KLHL12: variants seen among roughly 807,000 people sequenced by gnomAD.
The protein encoded by KLHL12 is kelch like family member 12, also known as kelch-like protein 12.
KLHL12 carries 17 observed loss-of-function variants against 60.8 expected under a neutral mutation model. The observed-to-expected ratio is 0.28, with a 90% confidence interval of 0.19 to 0.42. The LOEUF (loss-of-function observed/expected upper bound fraction) is 0.42. Ranked by LOEUF, KLHL12 falls within the 10% of genes least tolerant of loss-of-function variation. The pLI, the probability that KLHL12 is intolerant of heterozygous loss-of-function variation, is 1.00. For missense variants in KLHL12, 468 were observed against 722.3 expected (o/e 0.65, Z 4.04); for synonymous variants, 220 against 250.9 (o/e 0.88, Z 1.16).
chr1:202,905,866 G>A (rs751151515), intron 6 of KLHL12, among the ~76,000 whole-genome samples: 4 of 150,332 alleles, frequency 2.7e-5, no homozygotes, highest in Admixed American at 1.3e-4. Context: ...GTGCAGTGGC[G>A]TGATCTCAGC....
intron 2 of KLHL12, among the ~76,000 whole-genome samples, chr1:202,924,679 A>G (rs1260355078): frequency 6.6e-6 from 1 of 152,224 alleles, no homozygotes. Context: ...AATAGCTGAC[A>G]TGTGTGTTTT....
rs919668692 is a variant in KLHL12 at position 202,893,096 on chromosome 1, A to C, written c.1580+143T>G. 7.9e-6 allele frequency: 5 copies of C among 631,058 alleles called. No individual in the cohort carries two copies. Among genetic ancestry groups the C allele is most frequent in the Non-Finnish European group, 1.1e-5 (4 of 376,124 alleles). 39.1% of individuals were successfully genotyped at this position (631,058 alleles called of 1,614,324 possible). A position where few individuals can be genotyped will look rare whatever the true frequency, so the allele number is the denominator to read the frequency against. On this transcript the variant is annotated intron_variant, in intron 11 of 11. Transcript: ENST00000367261. The surrounding 1 kb of genome is among the most constrained non-coding windows in gnomAD (Gnocchi z 4.1). ...CAATACTCTGTCTCTAAAAAATAAA[A>C]AAAATCTAATAAAAAAAATCAAGTT...
chr1:202,907,228 G>C (rs944035254), intron 6 of KLHL12, among the ~76,000 whole-genome samples: 1 of 152,158 alleles, frequency 6.6e-6, no homozygotes, highest in African/African-American at 2.4e-5. Flanking sequence ...TAAGATTATG[G>C]ATGATTTTTA....
At chr1:202,898,150 T>C (rs1325970447) in intron 6 of KLHL12, among the ~76,000 whole-genome samples, 1 of 152,190 alleles carries the variant, frequency 6.6e-6, no homozygotes, top group Non-Finnish European at 1.5e-5. Context: ...GCGATACTCC[T>C]GCCTTAGCCT....
intron 4 of KLHL12, among the ~76,000 whole-genome samples, chr1:202,913,097 A>C (rs1319884896): frequency 1.3e-5 from 2 of 152,066 alleles, no homozygotes; most frequent in Non-Finnish European, 2.9e-5. Flanking sequence ...ATTATCAATT[A>C]GCCTTCAAGG....
At chr1:202,913,364 G>A (rs1336213174) in intron 4 of KLHL12, among the ~76,000 whole-genome samples, 3 of 152,158 alleles carry the variant, frequency 2.0e-5, no homozygotes, top group African/African-American at 7.2e-5. Context: ...CTTTCAGAGT[G>A]TCACTGTGAA....
At chr1:202,920,369 A>ACTTTTT (rs1660650217) in intron 2 of KLHL12, among the ~76,000 whole-genome samples, 2 of 83,828 alleles carry the variant, frequency 2.4e-5, no homozygotes, top group South Asian at 9.1e-4. Context: ...ATTTTGTTGG[A>ACTTTTT]TTTTTTTTTT....
At chr1:202,923,712 G>T (rs1416852290) in intron 2 of KLHL12, among the ~76,000 whole-genome samples, 1 of 152,026 alleles carries the variant, frequency 6.6e-6, no homozygotes, top group East Asian at 1.9e-4. Context: ...AAAATGAGAT[G>T]GTAATACCTA....
intron 6 of KLHL12, among the ~76,000 whole-genome samples, chr1:202,905,304 T>C (rs932361236): frequency 3.3e-5 from 5 of 152,198 alleles, no homozygotes; most frequent in African/African-American, 1.2e-4. Flanking sequence ...TCACAAAAAT[T>C]TTCATTAGCT....
In KLHL12 at chr1:202,899,696, C is replaced by T. The variant is rs375442358; in HGVS notation, c.833-2736G>A. ...CAAAAATTAGCCGGGTGCAGTGATG[C>T]GCACCTGTAGTCTCAGCTACTTGGG... On this transcript the variant is annotated intron_variant, in intron 6 of 11. Coordinates refer to ENST00000367261, the MANE Select transcript of KLHL12 (RefSeq NM_021633.4). Among the ~76,000 whole-genome samples, 168 of 152,068 alleles carry T rather than the reference C, an allele frequency of 1.1e-3. 2 individuals are homozygous for T. The South Asian group carries it at 0.032, about 29-fold the overall frequency.
chr1:202,910,769 G>A (rs190121321), intron 5 of KLHL12, among the ~76,000 whole-genome samples: 129 of 152,200 alleles, frequency 8.5e-4, no homozygotes, highest in Middle Eastern at 3.4e-3. Context: ...AGGGGACAAA[G>A]TTTATTATCA....
chr1:202,926,930 C>G (rs1653595441), intron 1 of KLHL12, among the ~76,000 whole-genome samples, 159 bp downstream of exon 1: 1 of 152,152 alleles, frequency 6.6e-6, no homozygotes. Flanking sequence ...AGAGGGTGAC[C>G]GAGGCCAGAT....
chr1:202,912,476 T>C (rs1660394308), intron 4 of KLHL12: 1 of 896,600 alleles, frequency 1.1e-6, no homozygotes, highest in Non-Finnish European at 1.8e-6. Flanking sequence ...TGGTGGTGGA[T>C]ATGGTGGCAG....
At chr1:202,894,339 C>T (rs757050363) in intron 9 of KLHL12, 57 bp from the exon 10 acceptor site, 17 of 1,222,816 alleles carry the variant, frequency 1.4e-5, no homozygotes, top group Admixed American at 2.1e-5. Context: ...CATTCCTGGT[C>T]GGTTTTTTTC....
Position 202,918,401 on chromosome 1 carries a change from CAGG to C in KLHL12, c.350-16_350-14del. ...GCTTGTTTCACACCTAGGACAGACA[CAGG>C]CAGCAAACACTTTAGAATAGTTGGA... On this transcript the variant is annotated splice_polypyrimidine_tract_variant and intron_variant, in intron 3 of 11. Coordinates refer to ENST00000367261, the MANE Select transcript of KLHL12 (RefSeq NM_021633.4). 1 of 1,603,204 alleles carries C rather than the reference CAGG, an allele frequency of 6.2e-7. No individual in the cohort carries two copies. The highest frequency in any genetic ancestry group is 1.1e-5 in the South Asian group (1 of 90,872).
chr1:202,910,955 G>A, intron 5 of KLHL12, 99 bp downstream of exon 5: 1 of 1,344,866 alleles, frequency 7.4e-7, no homozygotes, highest in Admixed American at 1.9e-5. Flanking sequence ...GGCAAAACAG[G>A]AGACTCTGTG....
intron 4 of KLHL12, chr1:202,915,105 A>C (rs1660485162): frequency 6.6e-6 from 1 of 152,128 alleles, no homozygotes; most frequent in Non-Finnish European, 1.5e-5. Context: ...TCCACAATAC[A>C]TTTTCACAAA....
At chr1:202,923,900 A>G (rs978022366) in intron 2 of KLHL12, among the ~76,000 whole-genome samples, 1 of 151,912 alleles carries the variant, frequency 6.6e-6, no homozygotes, top group African/African-American at 2.4e-5. Context: ...TTGTGCTTAA[A>G]AAGACTTTTA....
rs1659665066 is a variant in KLHL12 at position 202,891,167 on chromosome 1, A to T, written c.*1366T>A. On this transcript the variant is annotated 3_prime_UTR_variant, in exon 12 of 12. Coordinates refer to ENST00000367261, the MANE Select transcript of KLHL12 (RefSeq NM_021633.4). ...ATTTTCTTAAAAAAATACAAAGGAA[A>T]TTAACTCTGTAGGTCAATACAACTC... The T allele has an allele frequency of 6.6e-6, 1 of 152,594 alleles. No homozygotes were observed. Among genetic ancestry groups the T allele is most frequent in the African/African-American group, 2.4e-5 (1 of 41,428 alleles). 9.5% of individuals were successfully genotyped at this position (152,594 alleles called of 1,614,324 possible). A position where few individuals can be genotyped will look rare whatever the true frequency, so the allele number is the denominator to read the frequency against.
Sources: allele counts gnomAD v4.1 joint callset (sites outside exome capture counted in the v4.1 genomes callset), GRCh38; gene constraint gnomAD v4.1.1; non-coding constraint Gnocchi (gnomAD v3.1); transcripts MANE v1.5; gene names NCBI Gene and HGNC (gene_info 2026-07-23, HGNC 2026-07-21).